RBFOX1: variants seen among roughly 807,000 people sequenced by gnomAD.
RBFOX1 encodes the protein RNA binding fox-1 homolog 1.
In RBFOX1, 8 loss-of-function variants were observed where a neutral mutation model predicts 57.7. That is an observed-to-expected ratio of 0.14 (90% CI 0.08 to 0.25). The LOEUF (loss-of-function observed/expected upper bound fraction) is 0.25, where lower values mean the gene tolerates loss of function less well. Ranked by LOEUF, RBFOX1 falls within the 10% of genes least tolerant of loss-of-function variation. The pLI, the probability that RBFOX1 is intolerant of heterozygous loss-of-function variation, is 1.00. For synonymous variants in RBFOX1, 326 were observed against 222.4 expected (o/e 1.47, Z -4.15); for missense variants, 611 against 548.5 (o/e 1.11, Z -1.14).
chr16:7,121,909 C>G (rs949274418), intron 4 of RBFOX1, among the ~76,000 whole-genome samples: 1 of 150,784 alleles, frequency 6.6e-6, no homozygotes, highest in African/African-American at 2.4e-5. Flanking sequence ...AGAAAAGGTA[C>G]AAAATCAAAG....
At chr16:5,447,931 G>A (rs375966470) in intron 1 of RBFOX1, among the ~76,000 whole-genome samples, 2 of 152,194 alleles carry the variant, frequency 1.3e-5, no homozygotes, top group Non-Finnish European at 2.9e-5. Flanking sequence ...CACTCATTCT[G>A]TGTAGAGTGA....
intron 4 of RBFOX1, among the ~76,000 whole-genome samples, chr16:7,305,929 TA>T (rs1205707821): frequency 6.6e-6 from 1 of 152,224 alleles, no homozygotes; most frequent in Non-Finnish European, 1.5e-5. Flanking sequence ...GGTGTGTGTG[TA>T]AATGTGTATG....
chr16:6,361,140 C>T (rs1449646073), intron 2 of RBFOX1, among the ~76,000 whole-genome samples: 2 of 151,938 alleles, frequency 1.3e-5, no homozygotes, highest in East Asian at 1.9e-4. Context: ...GGCAAAGTAA[C>T]GAATGTCATG....
At chr16:6,794,871 GA>G (rs1274201116) in intron 3 of RBFOX1, among the ~76,000 whole-genome samples, 1 of 151,768 alleles carries the variant, frequency 6.6e-6, no homozygotes, top group Non-Finnish European at 1.5e-5. Context: ...TTCCCCCTAT[GA>G]AAAAAATGGA....
intron 3 of RBFOX1, among the ~76,000 whole-genome samples, chr16:6,682,379 G>T (rs1042382723): frequency 1.3e-5 from 2 of 151,952 alleles, no homozygotes; most frequent in African/African-American, 4.8e-5. Flanking sequence ...CTTCGAAGCC[G>T]ATTGCCCCTT....
At chr16:6,854,785 G>T (rs980543873) in intron 3 of RBFOX1, among the ~76,000 whole-genome samples, 1 of 151,590 alleles carries the variant, frequency 6.6e-6, no homozygotes, top group African/African-American at 2.4e-5. Flanking sequence ...TAGTAGAGAC[G>T]GGGTTTCACC....
At chr16:6,858,227 G>C (rs118191936) in intron 3 of RBFOX1, among the ~76,000 whole-genome samples, 1,791 of 152,282 alleles carry the variant, frequency 0.012, 19 homozygotes, top group Non-Finnish European at 0.019. Context: ...AGGTTGAATG[G>C]TTTTGAGATT....
intron 3 of RBFOX1, among the ~76,000 whole-genome samples, chr16:7,041,219 C>T (rs1282361833): frequency 1.3e-5 from 2 of 151,408 alleles, no homozygotes; most frequent in Non-Finnish European, 2.9e-5. Flanking sequence ...CAGGTGTGAG[C>T]CACCACATCC....
intron 2 of RBFOX1, among the ~76,000 whole-genome samples, chr16:5,529,370 A>G (rs2044369138): frequency 6.7e-6 from 1 of 149,470 alleles, no homozygotes; most frequent in Non-Finnish European, 1.5e-5. Context: ...GGTGGACCCC[A>G]ATCCAGTATG....
At chr16:5,498,274 C>G (rs752484980) in intron 2 of RBFOX1, among the ~76,000 whole-genome samples, 4 of 152,150 alleles carry the variant, frequency 2.6e-5, no homozygotes, top group Non-Finnish European at 5.9e-5. Context: ...TCTCAACGAA[C>G]TGGGATTACA....
intron 4 of RBFOX1, among the ~76,000 whole-genome samples, chr16:7,057,795 A>G (rs1267850028): frequency 2.6e-5 from 4 of 152,154 alleles, no homozygotes; most frequent in Non-Finnish European, 4.4e-5. Flanking sequence ...ATCACCTGAG[A>G]TCAGGAGTTG....
At chr16:5,269,616 C>T (rs1188268728) in intron 1 of RBFOX1, among the ~76,000 whole-genome samples, 2 of 152,172 alleles carry the variant, frequency 1.3e-5, no homozygotes, top group African/African-American at 2.4e-5. Flanking sequence ...TACATGATTT[C>T]ATTCAGATGG....
chr16:6,619,699 T>TC (rs2098198102), intron 2 of RBFOX1, among the ~76,000 whole-genome samples: 1 of 151,208 alleles, frequency 6.6e-6, no homozygotes, highest in African/African-American at 2.4e-5. Context: ...TTTTTTTTTT[T>TC]TTTTTTTTTA....
chr16:7,184,048 G>A (rs1346420685), intron 4 of RBFOX1, among the ~76,000 whole-genome samples: 1 of 152,190 alleles, frequency 6.6e-6, no homozygotes, highest in Non-Finnish European at 1.5e-5. Context: ...CTAAAGCCCA[G>A]GAAAGTGGTG....
chr16:7,277,200 T>G (rs1157730126), intron 4 of RBFOX1, among the ~76,000 whole-genome samples: 1 of 152,222 alleles, frequency 6.6e-6, no homozygotes, highest in Non-Finnish European at 1.5e-5. Flanking sequence ...TTTAATGATT[T>G]TTTTTCACGT....
chr16:6,757,495 A>G (rs1428237287), intron 3 of RBFOX1, among the ~76,000 whole-genome samples: 1 of 152,222 alleles, frequency 6.6e-6, no homozygotes, highest in African/African-American at 2.4e-5. Context: ...TGTTACAGCA[A>G]CATGGATGGA....
intron 3 of RBFOX1, among the ~76,000 whole-genome samples, chr16:6,703,240 T>G (rs998107627): frequency 2.6e-5 from 4 of 152,116 alleles, no homozygotes; most frequent in African/African-American, 9.7e-5. Context: ...AATTACTTAT[T>G]ATTATTTATT....
Position 6,662,364 on chromosome 16 carries a change from T to G in RBFOX1, c.-16+7714T>G, listed in dbSNP as rs530606890. Among the ~76,000 whole-genome samples the G allele has an allele frequency of 2.6e-5, 4 of 152,328 alleles. No individual in the cohort carries two copies. The South Asian group carries it at 8.3e-4, about 32-fold the overall frequency. On this transcript the variant is annotated intron_variant, in intron 3 of 15. Coordinates refer to ENST00000550418, the MANE Select transcript of RBFOX1 (RefSeq NM_018723.4). ...AATCATTTCATGATATACACATGTA[T>G]CAAAAGGTCACATTGTATCTGTTAA...
chr16:5,710,042 A>G (rs975661356), intron 3 of RBFOX1, among the ~76,000 whole-genome samples: 1 of 150,158 alleles, frequency 6.7e-6, no homozygotes, highest in Non-Finnish European at 1.5e-5. Flanking sequence ...TGTGATTTTT[A>G]AGTGCCCATG....
Sources: allele counts gnomAD v4.1 joint callset (sites outside exome capture counted in the v4.1 genomes callset), GRCh38; gene constraint gnomAD v4.1.1; transcripts MANE v1.5; gene names NCBI Gene and HGNC (gene_info 2026-07-23, HGNC 2026-07-21).